The following DPP10 variants were observed in gnomAD, a reference collection of about 807,000 sequenced individuals.
DPP10 encodes the protein dipeptidyl peptidase like 10, also known as inactive dipeptidyl peptidase 10.
DPP10 carries 33 observed loss-of-function variants against 120.9 expected under a neutral mutation model. The ratio of observed to expected loss-of-function variants is 0.27; its 90% CI spans 0.21 to 0.37. DPP10 has a LOEUF of 0.37. Ranked by LOEUF, DPP10 falls within the 10% of genes least tolerant of loss-of-function variation. DPP10 has a pLI of 1.00. For missense variants in DPP10, 816 were observed against 942.8 expected, an observed-to-expected ratio of 0.87 and a Z score of 1.76; for synonymous variants, 337 against 326.1, an observed-to-expected ratio of 1.03 and a Z score of -0.36.
chr2:115,726,260 A>G (rs1365035933), intron 7 of DPP10, among the ~76,000 whole-genome samples: 1 of 152,194 alleles, frequency 6.6e-6, no homozygotes, highest in East Asian at 1.9e-4. Flanking sequence ...TTTACATATC[A>G]GCTAAAGCTG....
chr2:115,300,429 A>G (rs2061074497), intron 1 of DPP10, among the ~76,000 whole-genome samples: 1 of 152,020 alleles, frequency 6.6e-6, no homozygotes, highest in Non-Finnish European at 1.5e-5. Context: ...GCTGCATAAT[A>G]CTCATACATA....
rs1277103026 is a variant in DPP10 at position 115,633,328 on chromosome 2, A to T, written c.442-56359A>T. Among the ~76,000 whole-genome samples the T allele has an allele frequency of 7.9e-5, 12 of 152,290 alleles. No individual in the cohort carries two copies. In the East Asian group the frequency reaches 2.3e-3, roughly 29 times the overall value. On this transcript the variant is annotated intron_variant, in intron 5 of 25. Transcript: ENST00000410059. Reference sequence around the variant, plus strand: ...CCATCATTCTCAGCAAACTATCGCAAGGACAGAAAACCAAACACCACATGT... The same window carrying T: ...CCATCATTCTCAGCAAACTATCGCATGGACAGAAAACCAAACACCACATGT...
At chr2:114,574,856 A>G (rs1286108420) in intron 1 of DPP10, among the ~76,000 whole-genome samples, 1 of 152,198 alleles carries the variant, frequency 6.6e-6, no homozygotes, top group East Asian at 1.9e-4. Flanking sequence ...TGGGAGACCC[A>G]GGATTTCCAT....
chr2:115,190,495 C>A (rs1559212693), intron 1 of DPP10, among the ~76,000 whole-genome samples: 1 of 152,206 alleles, frequency 6.6e-6, no homozygotes, highest in Admixed American at 6.5e-5. Flanking sequence ...CAAGGGCAGA[C>A]TGGTGGGTAA....
intron 4 of DPP10, among the ~76,000 whole-genome samples, chr2:115,515,368 G>T (rs529406163): frequency 6.6e-6 from 1 of 152,072 alleles, no homozygotes; most frequent in East Asian, 1.9e-4. Context: ...GTTGGGTATT[G>T]TTCAACCTTT....
At chr2:115,141,671 T>C (rs1408158531) in intron 1 of DPP10, among the ~76,000 whole-genome samples, 2 of 152,222 alleles carry the variant, frequency 1.3e-5, no homozygotes, top group African/African-American at 4.8e-5. Context: ...GTGTAAGCTT[T>C]ATGAGGATTT....
chr2:115,637,434 A>C (rs1355645773), intron 5 of DPP10, among the ~76,000 whole-genome samples: 1 of 152,128 alleles, frequency 6.6e-6, no homozygotes, highest in Non-Finnish European at 1.5e-5. Flanking sequence ...AAAATAGAGG[A>C]GAAAAATAGA....
chr2:115,754,154 A>G (rs1025056337), intron 11 of DPP10, among the ~76,000 whole-genome samples: 3 of 152,128 alleles, frequency 2.0e-5, no homozygotes, highest in Non-Finnish European at 4.4e-5. Context: ...TGGCAAGGAG[A>G]TGGAGCCCAA....
chr2:114,685,832 G>C (rs1425049375), intron 1 of DPP10, among the ~76,000 whole-genome samples: 1 of 151,898 alleles, frequency 6.6e-6, no homozygotes, highest in Non-Finnish European at 1.5e-5. Context: ...GATCACAGAA[G>C]TTTCCTATCC....
chr2:114,770,760 C>T (rs1681176516), intron 1 of DPP10, among the ~76,000 whole-genome samples: 1 of 152,134 alleles, frequency 6.6e-6, no homozygotes, highest in Non-Finnish European at 1.5e-5. Context: ...TTCTTTTATA[C>T]CTTGAGTCCC....
At chr2:114,600,714 G>T (rs1276435502) in intron 1 of DPP10, among the ~76,000 whole-genome samples, 2 of 151,834 alleles carry the variant, frequency 1.3e-5, no homozygotes, top group Non-Finnish European at 2.9e-5. Context: ...TCTAGCCTAA[G>T]TTGGTGTAGA....
intron 1 of DPP10, among the ~76,000 whole-genome samples, chr2:114,766,963 T>C (rs1376562835): frequency 6.6e-6 from 1 of 150,920 alleles, no homozygotes; most frequent in East Asian, 1.9e-4. Flanking sequence ...CAGGTAAAAA[T>C]GGTGAACAGT....
chr2:114,744,648 G>C (rs756349553), intron 1 of DPP10, among the ~76,000 whole-genome samples: 26 of 152,334 alleles, frequency 1.7e-4, no homozygotes, highest in Non-Finnish European at 2.6e-4. Context: ...AGGGATAGGC[G>C]AGCTATGACC....
chr2:115,553,384 A>G (rs1439948558), intron 5 of DPP10, among the ~76,000 whole-genome samples: 2 of 152,000 alleles, frequency 1.3e-5, no homozygotes, highest in Non-Finnish European at 2.9e-5. Context: ...GAAAATTATC[A>G]CTATTTTCAG....
At chr2:115,382,807 A>G (rs1264809314) in intron 3 of DPP10, among the ~76,000 whole-genome samples, 1 of 152,218 alleles carries the variant, frequency 6.6e-6, no homozygotes, top group African/African-American at 2.4e-5. Context: ...GGCTAGAGGA[A>G]GTGATGGAAA....
chr2:115,376,637 G>T (rs1295067808), intron 3 of DPP10, among the ~76,000 whole-genome samples: 5 of 150,690 alleles, frequency 3.3e-5, no homozygotes, highest in Non-Finnish European at 7.4e-5. Flanking sequence ...TGCCATGCTG[G>T]TGCGCTGCAC....
At chr2:114,718,719 C>A (rs1701515347) in intron 1 of DPP10, among the ~76,000 whole-genome samples, 1 of 152,102 alleles carries the variant, frequency 6.6e-6, no homozygotes, top group African/African-American at 2.4e-5. Context: ...AGGTTGTAAT[C>A]AGTAGATGTA....
chr2:115,233,894 C>T, intron 1 of DPP10: 1 of 513,188 alleles, frequency 1.9e-6, no homozygotes, highest in South Asian at 1.4e-5. Context: ...CCTGTCTCTC[C>T]CTTAGCCCTT....
At chr2:115,658,908 T>A (rs1351563330) in intron 5 of DPP10, among the ~76,000 whole-genome samples, 3 of 151,996 alleles carry the variant, frequency 2.0e-5, no homozygotes, top group African/African-American at 7.2e-5. Flanking sequence ...CTACACAGAG[T>A]AAATTTTTTC....
Sources: gnomAD v4.1 joint callset for allele counts (sites outside exome capture counted in the v4.1 genomes callset) on GRCh38, gnomAD v4.1.1 for gene constraint, MANE v1.5 for transcripts, NCBI Gene and HGNC (gene_info 2026-07-23, HGNC 2026-07-21) for gene names.